Variants in SEPTIN8 observed in about 807,000 individuals in gnomAD.
SEPTIN8 encodes septin 8.
SEPTIN8 carries 22 observed loss-of-function variants against 53.1 expected under a neutral mutation model. The observed-to-expected ratio is 0.41, with a 90% CI of 0.30 to 0.59. SEPTIN8 has a LOEUF of 0.59. SEPTIN8 is among the 20% of genes least tolerant of loss of function. The pLI is 0.24. For synonymous variants in SEPTIN8, 228 were observed against 248.4 expected (o/e 0.92, Z 0.77); for missense variants, 536 against 638.7 (o/e 0.84, Z 1.73).
intron 9 of SEPTIN8, 38 bp from the exon 10 acceptor site, chr5:132,752,219 A>G: frequency 6.5e-7 from 1 of 1,547,132 alleles, no homozygotes; most frequent in Non-Finnish European, 8.7e-7. Flanking sequence ...TTTGCCCCAG[A>G]CCAGGCTCTG....
At position 132,765,491 on chromosome 5, in the gene SEPTIN8, G is replaced by A; in HGVS notation, c.69C>T (p.Gly23=). Reference sequence around the variant, plus strand: ...CGGGGAGGCTGTCGAAACCCACATGGCCGCCCAGGGAGAGGCTCCGGGGCT... The same window carrying A: ...CGGGGAGGCTGTCGAAACCCACATGACCGCCCAGGGAGAGGCTCCGGGGCT... ...EPEPRSLSLG[G]HVGFDSLPDQ... Residue 23 remains glycine, a synonymous_variant, in exon 2 of 10, where the codon GGC becomes GGT. Transcript: ENST00000378719. 2 of 1,611,874 alleles carry A rather than the reference G, an allele frequency of 1.2e-6. No individual in the cohort carries two copies. The highest frequency in any genetic ancestry group is 1.7e-6 in the Non-Finnish European group (2 of 1,178,934).
chr5:132,778,067 C>A (rs1023033261), upstream of SEPTIN8: 14 of 985,474 alleles, frequency 1.4e-5, no homozygotes, highest in African/African-American at 2.1e-4. Flanking sequence ...TCAAAACGTT[C>A]AGAAAATTAA....
intron 9 of SEPTIN8, chr5:132,754,522 T>A: frequency 1.4e-6 from 1 of 717,448 alleles, no homozygotes; most frequent in Non-Finnish European, 2.6e-6. Context: ...CTCAAACCTC[T>A]TGGAGAAAGC....
chr5:132,756,573 A>C, intron 9 of SEPTIN8: 1 of 985,472 alleles, frequency 1.0e-6, no homozygotes, highest in South Asian at 4.7e-5. Context: ...GCAAGTTTTA[A>C]GCTCACTTTA....
chr5:132,765,834 G>A (rs1756530373), intron 1 of SEPTIN8, among the ~76,000 whole-genome samples: 2 of 152,202 alleles, frequency 1.3e-5, no homozygotes, highest in African/African-American at 2.4e-5. Flanking sequence ...CAGGGGCTGT[G>A]GTTGCTACCC....
chr5:132,751,711 C>A lies in SEPTIN8; in HGVS notation c.*305G>T. The A allele has an allele frequency of 1.8e-6, 1 of 567,630 alleles. No homozygotes were observed. Among genetic ancestry groups the A allele is most frequent in the East Asian group, 2.9e-5 (1 of 34,144 alleles). 35.2% of individuals were successfully genotyped at this position (567,630 alleles called of 1,614,324 possible). On this transcript the variant is annotated 3_prime_UTR_variant, in exon 10 of 10. Coordinates refer to ENST00000378719, the MANE Select transcript of SEPTIN8 (RefSeq NM_001098811.2). Reference sequence around the variant, plus strand: ...TTTTTCAGAATGGAAACATTGTCATCTAGGTACTTTCCGCTCATAACGATG... The same window carrying A: ...TTTTTCAGAATGGAAACATTGTCATATAGGTACTTTCCGCTCATAACGATG...
upstream of SEPTIN8, chr5:132,777,346 C>T: frequency 9.5e-7 from 1 of 1,050,430 alleles, no homozygotes; most frequent in Non-Finnish European, 1.1e-6. The surrounding 1 kb of genome is among the most constrained non-coding windows in gnomAD (Gnocchi z 4.1). Context: ...CCGCCCGGCC[C>T]GGCCACGAGC....
At chr5:132,779,351 C>T (rs528427578), upstream of SEPTIN8, among the ~76,000 whole-genome samples, 3 of 152,278 alleles carry the variant, frequency 2.0e-5, no homozygotes, top group South Asian at 2.1e-4. Flanking sequence ...TTGGTCTCAC[C>T]GTCAAATAAC....
At chr5:132,777,321 G>GCGGGACCGGCCTCCCCGC, upstream of SEPTIN8, 1 of 1,074,756 alleles carries the variant, frequency 9.3e-7, no homozygotes, top group Non-Finnish European at 1.1e-6. The surrounding 1 kb of genome is among the most constrained non-coding windows in gnomAD (Gnocchi z 4.1). Flanking sequence ...GCCCCCGCCC[G>GCGGGACCGGCCTCCCCGC]CGGGACCGGC....
chr5:132,755,435 C>A (rs1289021701), intron 9 of SEPTIN8, among the ~76,000 whole-genome samples: 1 of 152,094 alleles, frequency 6.6e-6, no homozygotes, highest in Non-Finnish European at 1.5e-5. Context: ...ATTGAGATGC[C>A]AAGGAGCAGG....
chr5:132,770,057 G>C (rs1289754525), intron 1 of SEPTIN8, among the ~76,000 whole-genome samples: 21 of 79,546 alleles, frequency 2.6e-4, no homozygotes, highest in African/African-American at 8.3e-4. Context: ...GTGTGTGTGT[G>C]TGTGTGTATA....
chr5:132,752,773 ACTTGCTTCATGCTAAC>A (rs369866775), intron 9 of SEPTIN8: 1 of 1,069,256 alleles, frequency 9.4e-7, no homozygotes, highest in African/African-American at 1.5e-5. Context: ...ACCTTCCTGA[ACTTGCTTCATGCTAAC>A]ATTTTGGCAC....
chr5:132,769,765 C>G (rs1002900450), intron 1 of SEPTIN8, among the ~76,000 whole-genome samples: 1 of 151,536 alleles, frequency 6.6e-6, no homozygotes, highest in Non-Finnish European at 1.5e-5. Context: ...CTAGTCACAT[C>G]ACTCCCCGCC....
rs749257924 is a variant in SEPTIN8, at chr5:132,750,910, G to A, written c.*1106C>T. On this transcript the variant is annotated 3_prime_UTR_variant, in exon 10 of 10. Coordinates refer to ENST00000378719, the MANE Select transcript of SEPTIN8 (RefSeq NM_001098811.2). ...AGCACTATGGCTCTGACTATTCCCC[G>A]AATGAGCTGCTGAGGATGGAGCTGG... 50 of 1,614,098 alleles carry A rather than the reference G, an allele frequency of 3.1e-5. No homozygotes were observed. Among genetic ancestry groups the A allele is most frequent in the Middle Eastern group, 3.3e-4 (2 of 6,082 alleles).
chr5:132,777,652 T>G (rs1296219560), upstream of SEPTIN8: 3 of 985,416 alleles, frequency 3.0e-6, no homozygotes, highest in Admixed American at 6.1e-5. The surrounding 1 kb of genome is among the most constrained non-coding windows in gnomAD (Gnocchi z 4.1). Context: ...CGCTGGAGCC[T>G]GCAAATGTGC....
At position 132,759,916 on chromosome 5, in the gene SEPTIN8, G is replaced by T. The variant is rs188918965; in HGVS notation, c.1286+886C>A. 5.0e-4 allele frequency among the ~76,000 whole-genome samples: 76 copies of T among 152,270 alleles called. 1 individual carries two copies. The East Asian group carries it at 0.01, about 21-fold the overall frequency. ...AGGCTATGAAGATCGCCAGGGAGAA[G>T]TGACTCATAGTTGTCCCCACCTGAC... On this transcript the variant is annotated intron_variant, in intron 9 of 9. Coordinates refer to ENST00000378719, the MANE Select transcript of SEPTIN8 (RefSeq NM_001098811.2).
intron 9 of SEPTIN8, among the ~76,000 whole-genome samples, chr5:132,752,658 A>T (rs567412977): frequency 1.3e-5 from 2 of 152,262 alleles, no homozygotes; most frequent in Non-Finnish European, 2.9e-5. Context: ...CTCAGAACAG[A>T]TAGGTTAGGA....
At chr5:132,777,508 G>GC (rs1455593274), upstream of SEPTIN8, 30 of 960,276 alleles carry the variant, frequency 3.1e-5, 1 homozygote, top group East Asian at 3.0e-3. The surrounding 1 kb of genome is among the most constrained non-coding windows in gnomAD (Gnocchi z 4.1). Flanking sequence ...GCGGGCCTCT[G>GC]CGTGTCCCCT....
At position 132,776,835 on chromosome 5, in the gene SEPTIN8, G is replaced by A. The variant is rs1267015075; in HGVS notation, c.30+273C>T. Among the ~76,000 whole-genome samples, 1 of 152,194 alleles carries A rather than the reference G, an allele frequency of 6.6e-6. No individual in the cohort carries two copies. Among genetic ancestry groups the A allele is most frequent in the South Asian group, 2.1e-4 (1 of 4,832 alleles). ...CTATCTTCGCACCTGCCCGGAGCCA[G>A]GCGGGTCTTTGCTCCTTCCCGCGAA... On this transcript the variant is annotated intron_variant, in intron 1 of 9. Transcript: ENST00000378719. This position sits in a 1 kb window ranked among gnomAD's most constrained non-coding sequence, Gnocchi z 4.4.
Sources: gnomAD v4.1 joint callset for allele counts (sites outside exome capture counted in the v4.1 genomes callset) on GRCh38, gnomAD v4.1.1 for gene constraint, Gnocchi (gnomAD v3.1) non-coding constraint, MANE v1.5 for transcripts, NCBI Gene and HGNC (gene_info 2026-07-23, HGNC 2026-07-21) for gene names.